ERC2: variants seen among roughly 807,000 people sequenced by gnomAD.
ERC2 encodes ELKS/RAB6-interacting/CAST family member 2, also known as ERC protein 2.
Under a neutral mutation model 114.8 loss-of-function variants are expected in ERC2, and 42 were observed. That is an observed-to-expected ratio of 0.37 (90% CI 0.29 to 0.47). ERC2 has a LOEUF of 0.47. Ranked by LOEUF, ERC2 falls within the 20% of genes least tolerant of loss-of-function variation. The pLI is 0.99. For missense variants in ERC2, 939 were observed against 1,150.7 expected (o/e 0.82, Z 2.66); for synonymous variants, 454 against 425.5 (o/e 1.07, Z -0.82).
At chr3:55,789,366 C>T (rs1372722161) in intron 14 of ERC2, among the ~76,000 whole-genome samples, 1 of 152,168 alleles carries the variant, frequency 6.6e-6, no homozygotes, top group African/African-American at 2.4e-5. Flanking sequence ...GTATCAACAC[C>T]ATCAGCCTTG....
intron 2 of ERC2, among the ~76,000 whole-genome samples, chr3:56,398,615 G>GTA (rs139499637): frequency 0.021 from 3,171 of 151,804 alleles, 107 homozygotes; most frequent in African/African-American, 0.073. Context: ...ATGTGTTTGT[G>GTA]TATATATATA....
chr3:55,691,573 A>AAAAAAAATAT (rs1553631525), intron 16 of ERC2, among the ~76,000 whole-genome samples: 5 of 39,746 alleles, frequency 1.3e-4, no homozygotes, highest in South Asian at 1.3e-3. Context: ...AAAAAAAAAA[A>AAAAAAAATAT]ATATATATAT....
intron 16 of ERC2, among the ~76,000 whole-genome samples, chr3:55,687,208 A>G (rs1474394732): frequency 6.6e-6 from 1 of 152,192 alleles, no homozygotes; most frequent in Non-Finnish European, 1.5e-5. Context: ...CGTTGACAAG[A>G]CAAGAGACTT....
At chr3:55,966,328 T>G (rs2068746291) in intron 12 of ERC2, among the ~76,000 whole-genome samples, 1 of 152,098 alleles carries the variant, frequency 6.6e-6, no homozygotes, top group African/African-American at 2.4e-5. Flanking sequence ...TTCATGCCCT[T>G]TCTAGTTTCC....
In ERC2 at chr3:55,992,151, T is replaced by C; in HGVS notation, c.2161A>G (p.Lys721Glu). 1 of 1,613,954 alleles carries C rather than the reference T, an allele frequency of 6.2e-7. No individual in the cohort carries two copies. The highest frequency in any genetic ancestry group is 1.1e-5 in the South Asian group (1 of 91,082). ...EASYYRDECG[K>E]AQAEVDRLLE... ...AACCGGTCCACTTCCGCTTGGGCCT[T>C]GCCACACTCGTCGCGGTAGTAAGAC... is the stretch of plus-strand genomic sequence containing the variant. Residue 721 changes from lysine to glutamate, a missense_variant, in exon 11 of 18, where the codon AAG becomes GAG. Physicochemically the swap from Lys to Glu is moderately conservative, Grantham distance 56. This residue lies in a region of ERC2 where 328 missense variants were observed against 353.9 expected (regional missense o/e 0.93). Transcript: ENST00000288221.
At chr3:55,521,741 G>C (rs55876294) in intron 17 of ERC2, among the ~76,000 whole-genome samples, 3 of 151,996 alleles carry the variant, frequency 2.0e-5, no homozygotes, top group African/African-American at 7.3e-5. Flanking sequence ...AAGACATGGT[G>C]GGGGAGAAGC....
chr3:56,465,073 A>G (rs1053118125), intron 1 of ERC2, among the ~76,000 whole-genome samples: 1 of 152,186 alleles, frequency 6.6e-6, no homozygotes, highest in Non-Finnish European at 1.5e-5. Context: ...AGAGACTGAT[A>G]AGGCTTACAT....
At chr3:56,145,548 G>T (rs1334657922) in intron 5 of ERC2, among the ~76,000 whole-genome samples, 1 of 152,130 alleles carries the variant, frequency 6.6e-6, no homozygotes, top group Non-Finnish European at 1.5e-5. Flanking sequence ...CAGTGTTGGG[G>T]TAGGAATTGG....
chr3:55,993,411 G>T (rs1013185152), intron 10 of ERC2, among the ~76,000 whole-genome samples: 1 of 152,004 alleles, frequency 6.6e-6, no homozygotes, highest in African/African-American at 2.4e-5. Flanking sequence ...GCAAGCTACA[G>T]CTACTGTGGG....
intron 7 of ERC2, among the ~76,000 whole-genome samples, chr3:56,026,251 T>C (rs138058662): frequency 1.3e-5 from 2 of 151,970 alleles, no homozygotes; most frequent in Non-Finnish European, 2.9e-5. Flanking sequence ...GGTTTCACCA[T>C]GTTGGCCAGG....
chr3:56,155,385 T>G (rs56317923), intron 4 of ERC2, among the ~76,000 whole-genome samples: 1,902 of 142,728 alleles, frequency 0.013, 14 homozygotes, highest in Non-Finnish European at 0.016. Flanking sequence ...AAAAAGAAAA[T>G]AACCGCATGA....
intron 3 of ERC2, among the ~76,000 whole-genome samples, chr3:56,271,231 C>A (rs1173324991): frequency 6.6e-6 from 1 of 152,112 alleles, no homozygotes; most frequent in East Asian, 1.9e-4. Flanking sequence ...AGGATTTCCC[C>A]AGCCTTAATG....
At chr3:55,862,470 T>C (rs1170669438) in intron 14 of ERC2, among the ~76,000 whole-genome samples, 1 of 152,162 alleles carries the variant, frequency 6.6e-6, no homozygotes, top group African/African-American at 2.4e-5. Context: ...TTTTGCAACA[T>C]GAAGACAAAA....
intron 3 of ERC2, among the ~76,000 whole-genome samples, chr3:56,278,837 C>A (rs533131480): frequency 1.3e-5 from 2 of 152,258 alleles, no homozygotes; most frequent in East Asian, 3.9e-4. Context: ...ATCATGGGAA[C>A]TAATAGAGTG....
At position 56,445,897 on chromosome 3, in the gene ERC2, C is replaced by T. The variant is rs564443729; in HGVS notation, c.-140-10750G>A. ...GTCTCTCAGTTACATTCTCTCAAAG[C>T]GTAATGCTTTTTTTTTTTCATGATG... On this transcript the variant is annotated intron_variant, in intron 1 of 17. Coordinates refer to ENST00000288221, the MANE Select transcript of ERC2 (RefSeq NM_015576.3). Among the ~76,000 whole-genome samples the T allele has an allele frequency of 4.6e-5, 7 of 152,204 alleles. No homozygotes were observed. In the East Asian group the frequency reaches 1.2e-3, roughly 25 times the overall value.
In ERC2 at chr3:56,169,290, A is replaced by G. The variant is rs141628312; in HGVS notation, c.1149+4156T>C. Among the ~76,000 whole-genome samples the G allele has an allele frequency of 6.8e-4, 104 of 152,350 alleles. 2 individuals are homozygous for G. In the East Asian group the frequency reaches 0.019, roughly 28 times the overall value. On this transcript the variant is annotated intron_variant, in intron 4 of 17. Transcript: ENST00000288221. Reference sequence around the variant, plus strand: ...AAAACCTGATAGTTTCTGCTATACTAGCAAAATGTTTGTTTTTCCCAAAGA... The same window carrying G: ...AAAACCTGATAGTTTCTGCTATACTGGCAAAATGTTTGTTTTTCCCAAAGA...
chr3:56,166,757 T>C (rs182907314), intron 4 of ERC2, among the ~76,000 whole-genome samples: 153 of 152,184 alleles, frequency 1.0e-3, no homozygotes, highest in Middle Eastern at 3.4e-3. Flanking sequence ...TCATCCCTGA[T>C]ATTGGTTATT....
intron 3 of ERC2, among the ~76,000 whole-genome samples, chr3:56,264,570 C>A (rs2053163291): frequency 6.7e-6 from 1 of 148,968 alleles, no homozygotes; most frequent in Non-Finnish European, 1.5e-5. Context: ...GCACTCCAGC[C>A]TAGGTGACAG....
At position 55,509,127 on chromosome 3, in the gene ERC2, T is replaced by G. The variant is rs1374773205; in HGVS notation, c.*2189A>C. On this transcript the variant is annotated 3_prime_UTR_variant, in exon 18 of 18. Transcript: ENST00000288221. ...ATTATACGACCTCATAAAGGTAAGA[T>G]CAGTAATATTTTAACCAATGAAAGT... 4.6e-5 allele frequency: 7 copies of G among 152,590 alleles called. No homozygotes were observed. Among genetic ancestry groups the G allele is most frequent in the African/African-American group, 1.7e-4 (7 of 41,432 alleles). The allele number at this position is 152,590 out of a possible 1,614,324, so 9.5% of individuals were successfully genotyped here. A position where few individuals can be genotyped will look rare whatever the true frequency, so the allele number is the denominator to read the frequency against.
Sources: gnomAD v4.1 joint callset for allele counts (sites outside exome capture counted in the v4.1 genomes callset) on GRCh38, gnomAD v4.1.1 for gene constraint, gnomAD v4.1.1 regional missense constraint, MANE v1.5 for transcripts, NCBI Gene and HGNC (gene_info 2026-07-23, HGNC 2026-07-21) for gene names.